The following DYTN variants were observed in gnomAD, a reference collection of about 807,000 sequenced individuals.
DYTN encodes dystrotelin.
In DYTN, 75 loss-of-function variants were observed where a neutral mutation model predicts 69.6. The observed-to-expected ratio is 1.08, with a 90% CI of 0.89 to 1.31. DYTN has a LOEUF of 1.31. Among genes scored for constraint, DYTN ranks in the 50% most tolerant of loss-of-function variants. The pLI, the probability that DYTN is intolerant of heterozygous loss-of-function variation, is 0.00. For missense variants in DYTN, 726 were observed against 688.4 expected (o/e 1.05, Z -0.61); for synonymous variants, 252 against 249.1 (o/e 1.01, Z -0.11).
At position 206,663,381 on chromosome 2, in the gene DYTN, T is replaced by A; in HGVS notation, c.1155A>T (p.Pro385=). The A allele has an allele frequency of 6.3e-7, 1 of 1,596,228 alleles. No homozygotes were observed. The highest frequency in any genetic ancestry group is 1.8e-5 in the Admixed American group (1 of 56,578). Residue 385 remains proline, a synonymous_variant, in exon 11 of 12, where the codon CCA becomes CCT. Transcript: ENST00000452335. ...IRRDLQARLQ[P]PGPSSSSFQN... ...GAAAGGAAGAAGATGAAGGACCGGG[T>A]GGCTGCAACCTTGCCTGGGGAAACA... is the stretch of plus-strand genomic sequence containing the variant.
At chr2:206,654,654 ACTCTGTAT>A (rs1399924146) in intron 11 of DYTN, among the ~76,000 whole-genome samples, 1 of 152,058 alleles carries the variant, frequency 6.6e-6, no homozygotes, top group Non-Finnish European at 1.5e-5. Context: ...TCAAGGGTCA[ACTCTGTAT>A]CCATTACTAT....
At chr2:206,708,976 T>C (rs187201043) in intron 2 of DYTN, among the ~76,000 whole-genome samples, 61 of 152,340 alleles carry the variant, frequency 4.0e-4, no homozygotes, top group Non-Finnish European at 6.2e-4. Flanking sequence ...GCTGCTAACT[T>C]TCTCTAATGG....
At position 206,718,393 on chromosome 2, in the gene DYTN, GCAA is replaced by G. The variant is rs1350750979; in HGVS notation, c.-117_-115del. ...GGAATGAGGACAGGGGAACAAAAAG[GCAA>G]CTAAACAAATCATTTTACCTGTGGA... On this transcript the variant is annotated 5_prime_UTR_variant, in exon 1 of 12. Transcript: ENST00000452335. 2 of 1,112,878 alleles carry G rather than the reference GCAA, an allele frequency of 1.8e-6. No homozygotes were observed. The highest frequency in any genetic ancestry group is 3.2e-5 in the African/African-American group (2 of 62,572). The allele number at this position is 1,112,878 out of a possible 1,614,324, so 68.9% of individuals were successfully genotyped here.
intron 5 of DYTN, among the ~76,000 whole-genome samples, chr2:206,704,309 T>C (rs914218977): frequency 6.6e-5 from 10 of 152,146 alleles, no homozygotes; most frequent in Admixed American, 2.0e-4. Context: ...GAGGAGTAGT[T>C]TGTTAAGTGA....
At chr2:206,668,619 A>C (rs1223038712) in intron 9 of DYTN, among the ~76,000 whole-genome samples, 2 of 152,208 alleles carry the variant, frequency 1.3e-5, no homozygotes, top group African/African-American at 4.8e-5. Flanking sequence ...CCCATGTATT[A>C]ACTGTTCAAA....
intron 9 of DYTN, among the ~76,000 whole-genome samples, chr2:206,683,587 G>A (rs1254950449): frequency 3.3e-5 from 5 of 151,812 alleles, no homozygotes; most frequent in South Asian, 4.2e-4. Context: ...CATGTGATTT[G>A]CCCACCTTGG....
intron 7 of DYTN, among the ~76,000 whole-genome samples, chr2:206,697,528 C>A (rs901753233): frequency 9.2e-5 from 14 of 152,202 alleles, no homozygotes; most frequent in Admixed American, 5.2e-4. Context: ...TTTGAGATCC[C>A]AAAACATAAG....
chr2:206,665,724 A>G, intron 10 of DYTN, 146 bp downstream of exon 10: 1 of 875,148 alleles, frequency 1.1e-6, no homozygotes, highest in Non-Finnish European at 1.7e-6. Context: ...TATAGCCTGG[A>G]TGAGGAAATG....
intron 9 of DYTN, among the ~76,000 whole-genome samples, chr2:206,667,972 A>G (rs1699592041): frequency 6.6e-6 from 1 of 152,190 alleles, no homozygotes; most frequent in South Asian, 2.1e-4. Flanking sequence ...CAAAGCAGGC[A>G]TCTCTGAAAG....
chr2:206,682,010 CT>C (rs1230386230), intron 9 of DYTN, among the ~76,000 whole-genome samples: 3 of 152,074 alleles, frequency 2.0e-5, no homozygotes, highest in Admixed American at 6.6e-5. Context: ...TGGTCCTGGA[CT>C]TTTTTTGGTT....
intron 9 of DYTN, among the ~76,000 whole-genome samples, chr2:206,688,417 C>A (rs1699834415): frequency 6.6e-6 from 1 of 152,032 alleles, no homozygotes; most frequent in Non-Finnish European, 1.5e-5. Flanking sequence ...AAAGTAAAAT[C>A]ACCAACAAAA....
chr2:206,672,878 A>G (rs781515104), intron 9 of DYTN, among the ~76,000 whole-genome samples: 3 of 152,186 alleles, frequency 2.0e-5, no homozygotes, highest in Non-Finnish European at 4.4e-5. Context: ...AAAAAACTTC[A>G]CTGGTATTTT....
Position 206,663,314 on chromosome 2 carries a change from C to A in DYTN, c.1222G>T (p.Val408Phe), listed in dbSNP as rs551795566. 3 of 1,613,984 alleles carry A rather than the reference C, an allele frequency of 1.9e-6. No homozygotes were observed. The highest frequency in any genetic ancestry group is 2.5e-6 in the Non-Finnish European group (3 of 1,179,882). Residue 408 changes from valine (V) to phenylalanine (F), a missense_variant, in exon 11 of 12, where the codon GTT becomes TTT. Val to Phe is a conservative substitution (Grantham distance 50, BLOSUM62 -1). Coordinates refer to ENST00000452335, the MANE Select transcript of DYTN (RefSeq NM_001093730.1). Reference sequence around the variant, plus strand: ...TGCAAATAATCCCCTCCCTTTGGAACCTTTTCAGTTGAAGAATGGTCAACC... The same window carrying A: ...TGCAAATAATCCCCTCCCTTTGGAAACTTTTCAGTTGAAGAATGGTCAACC... ...NKVDHSSTEK[V>F]PKGGDYLQIK...
chr2:206,675,708 A>G (rs753070042), intron 9 of DYTN, among the ~76,000 whole-genome samples: 6 of 152,220 alleles, frequency 3.9e-5, no homozygotes, highest in Non-Finnish European at 8.8e-5. Flanking sequence ...CACCTTAGAA[A>G]TGATTTCAAG....
intron 9 of DYTN, among the ~76,000 whole-genome samples, chr2:206,682,554 G>A (rs771058210): frequency 2.0e-5 from 3 of 151,988 alleles, no homozygotes; most frequent in Non-Finnish European, 4.4e-5. Context: ...GAGTGTCACA[G>A]GGCTCAGTCT....
chr2:206,656,177 A>G lies in DYTN; in HGVS notation c.1634-4256T>C, dbSNP rs374063869. Among the ~76,000 whole-genome samples the G allele has an allele frequency of 1.4e-4, 21 of 152,252 alleles. 1 individual carries two copies. In the South Asian group the frequency reaches 4.3e-3, roughly 32 times the overall value. ...TTAGGTGCTCTGATGTTTGGTGTAT[A>G]TATTATAATAATTATAGTATCTTCT... On this transcript the variant is annotated intron_variant, in intron 11 of 11. Coordinates refer to ENST00000452335, the MANE Select transcript of DYTN (RefSeq NM_001093730.1).
chr2:206,667,320 G>T (rs965506999), intron 9 of DYTN, among the ~76,000 whole-genome samples: 3 of 152,094 alleles, frequency 2.0e-5, no homozygotes, highest in African/African-American at 7.2e-5. Context: ...CCCACTTAGA[G>T]TCTGCTCTTC....
chr2:206,712,503 G>C (rs1008236913), intron 1 of DYTN, among the ~76,000 whole-genome samples: 2 of 152,158 alleles, frequency 1.3e-5, no homozygotes, highest in Non-Finnish European at 2.9e-5. Context: ...GCCACAGCTA[G>C]AACAACACAT....
At chr2:206,672,860 C>G (rs1345112132) in intron 9 of DYTN, among the ~76,000 whole-genome samples, 1 of 152,186 alleles carries the variant, frequency 6.6e-6, no homozygotes, top group Non-Finnish European at 1.5e-5. Flanking sequence ...TTTCTAATCT[C>G]TTTGATGAAA....
Sources: allele counts gnomAD v4.1 joint callset (sites outside exome capture counted in the v4.1 genomes callset), GRCh38; gene constraint gnomAD v4.1.1; transcripts MANE v1.5; gene names NCBI Gene and HGNC (gene_info 2026-07-23, HGNC 2026-07-21).